WWOX: variants seen among roughly 807,000 people sequenced by gnomAD.
WWOX encodes the protein WW domain containing oxidoreductase.
In WWOX, 69 loss-of-function variants were observed where a neutral mutation model predicts 46.2. That is an observed-to-expected ratio of 1.49 (90% CI 1.23 to 1.82). The LOEUF is 1.82. Ranked by LOEUF, WWOX falls within the 40% of genes most tolerant of loss-of-function variation. WWOX has a pLI of 0.00. For missense variants in WWOX, 919 were observed against 542.6 expected (o/e 1.69, Z -6.89); for synonymous variants, 359 against 202.6 (o/e 1.77, Z -6.56).
intron 8 of WWOX, among the ~76,000 whole-genome samples, chr16:78,844,131 A>G (rs377625533): frequency 1.6e-4 from 25 of 152,102 alleles, no homozygotes; most frequent in East Asian, 1.2e-3. Context: ...TGTGGTTGAA[A>G]TCTATCGTAT....
chr16:78,604,290 C>T (rs1488988760), intron 8 of WWOX, among the ~76,000 whole-genome samples: 1 of 152,192 alleles, frequency 6.6e-6, no homozygotes, highest in Non-Finnish European at 1.5e-5. Context: ...CCAATGCCTT[C>T]ATGGTCTTAC....
chr16:78,544,962 A>G (rs1016629728), intron 8 of WWOX, among the ~76,000 whole-genome samples: 1 of 152,128 alleles, frequency 6.6e-6, no homozygotes, highest in African/African-American at 2.4e-5. Flanking sequence ...ACATCATTTG[A>G]GCCCAGGAGT....
chr16:78,842,345 A>T (rs1489157457), intron 8 of WWOX, among the ~76,000 whole-genome samples: 2 of 151,820 alleles, frequency 1.3e-5, no homozygotes, highest in Admixed American at 1.3e-4. Flanking sequence ...AAAAAAAAAA[A>T]AAATTAAATT....
intron 8 of WWOX, among the ~76,000 whole-genome samples, chr16:79,168,240 T>C (rs1049266386): frequency 2.0e-5 from 3 of 152,226 alleles, no homozygotes; most frequent in Non-Finnish European, 4.4e-5. Flanking sequence ...CTTGGGTATA[T>C]ACTTAGGGGT....
At chr16:79,010,584 A>G (rs2047283890) in intron 8 of WWOX, among the ~76,000 whole-genome samples, 2 of 152,158 alleles carry the variant, frequency 1.3e-5, no homozygotes, top group African/African-American at 2.4e-5. Context: ...TAAATATATG[A>G]TAAATAACAT....
At chr16:78,444,959 T>A (rs761593446) in intron 8 of WWOX, among the ~76,000 whole-genome samples, 3 of 152,194 alleles carry the variant, frequency 2.0e-5, no homozygotes, top group Non-Finnish European at 4.4e-5. Flanking sequence ...TAGAAAACCC[T>A]ACAGGTACCA....
At chr16:78,765,115 G>T (rs1157328340) in intron 8 of WWOX, among the ~76,000 whole-genome samples, 2 of 152,228 alleles carry the variant, frequency 1.3e-5, no homozygotes, top group African/African-American at 4.8e-5. Context: ...GTGCGGGGAT[G>T]TGGTAGGGTG....
intron 5 of WWOX, among the ~76,000 whole-genome samples, chr16:78,380,612 A>G (rs916289632): frequency 2.0e-5 from 3 of 152,158 alleles, no homozygotes; most frequent in Admixed American, 6.5e-5. Flanking sequence ...GATGATCACG[A>G]TGATAAAACA....
At chr16:78,921,508 C>G (rs985378940) in intron 8 of WWOX, among the ~76,000 whole-genome samples, 5 of 152,134 alleles carry the variant, frequency 3.3e-5, no homozygotes, top group African/African-American at 4.8e-5. Flanking sequence ...TTTCAAAGAC[C>G]TTTCACAGTC....
At chr16:79,209,678 C>T (rs1395797255) in intron 8 of WWOX, among the ~76,000 whole-genome samples, 1 of 152,280 alleles carries the variant, frequency 6.6e-6, no homozygotes, top group Middle Eastern at 3.4e-3. Flanking sequence ...CACCAGAACT[C>T]TAAGATTCCA....
rs549846340 is a variant in WWOX, at chr16:79,093,492, AT to A, written c.1057-118107del. 9.8e-3 allele frequency among the ~76,000 whole-genome samples: 1,486 copies of A among 151,628 alleles called. 24 individuals are homozygous for A. The highest frequency in any genetic ancestry group is 0.033 in the African/African-American group (1,362 of 41,344). On this transcript the variant is annotated intron_variant, in intron 8 of 8. Coordinates refer to ENST00000566780, the MANE Select transcript of WWOX (RefSeq NM_016373.4). ...AATTGTGCTTGCAATATATATGATG[AT>A]TTTTTTTTCTTTTATTAAATGAAAA...
At chr16:78,884,117 A>G (rs767974337) in intron 8 of WWOX, among the ~76,000 whole-genome samples, 1 of 151,828 alleles carries the variant, frequency 6.6e-6, no homozygotes, top group African/African-American at 2.4e-5. Flanking sequence ...TGTCTCTACA[A>G]AAATATTAGT....
At chr16:78,692,098 T>C (rs2048003561) in intron 8 of WWOX, among the ~76,000 whole-genome samples, 1 of 152,168 alleles carries the variant, frequency 6.6e-6, no homozygotes. Flanking sequence ...GTTAAACCTC[T>C]TTTTCTTCCC....
At chr16:78,743,789 T>A (rs2049285824) in intron 8 of WWOX, among the ~76,000 whole-genome samples, 1 of 152,166 alleles carries the variant, frequency 6.6e-6, no homozygotes, top group Non-Finnish European at 1.5e-5. Flanking sequence ...GTAACTTCTT[T>A]CCACAACCAA....
At chr16:79,124,346 T>A (rs969216938) in intron 8 of WWOX, among the ~76,000 whole-genome samples, 1 of 126,844 alleles carries the variant, frequency 7.9e-6, no homozygotes, top group Non-Finnish European at 1.7e-5. Context: ...TCATGGACTT[T>A]TTGAAAAAAA....
intron 8 of WWOX, among the ~76,000 whole-genome samples, chr16:78,547,335 A>G (rs1175849411): frequency 1.3e-5 from 2 of 152,044 alleles, no homozygotes; most frequent in East Asian, 1.9e-4. Context: ...CAATTTACAG[A>G]TGAAAAAAAT....
chr16:78,210,479 A>C (rs1418278437), intron 5 of WWOX, among the ~76,000 whole-genome samples: 1 of 152,086 alleles, frequency 6.6e-6, no homozygotes, highest in African/African-American at 2.4e-5. Context: ...AACCTGACAC[A>C]CACACGCGCG....
intron 8 of WWOX, among the ~76,000 whole-genome samples, chr16:78,982,108 G>A (rs954784482): frequency 2.6e-5 from 4 of 151,960 alleles, no homozygotes; most frequent in African/African-American, 7.2e-5. Flanking sequence ...GCTAAACTCC[G>A]TGGGGTTTGT....
chr16:78,177,493 GT>G (rs1217165026), intron 5 of WWOX, among the ~76,000 whole-genome samples: 1 of 152,148 alleles, frequency 6.6e-6, no homozygotes, highest in African/African-American at 2.4e-5. Context: ...GAAAGTATTG[GT>G]GGACTGTGAA....
Sources: allele counts gnomAD v4.1 joint callset (sites outside exome capture counted in the v4.1 genomes callset), GRCh38; gene constraint gnomAD v4.1.1; transcripts MANE v1.5; gene names NCBI Gene and HGNC (gene_info 2026-07-23, HGNC 2026-07-21).